Variants in LINGO2 observed in about 807,000 individuals in gnomAD.
LINGO2 encodes leucine-rich repeat and immunoglobulin-like domain-containing nogo receptor-interacting protein 2.
Under a neutral mutation model 30.6 loss-of-function variants are expected in LINGO2, and 14 were observed. That is an observed-to-expected ratio of 0.46 (90% CI 0.30 to 0.72). LINGO2 has a LOEUF of 0.72. Ranked by LOEUF, LINGO2 falls within the 30% of genes least tolerant of loss-of-function variation. The pLI is 0.07. For missense variants in LINGO2, 729 were observed against 751.7 expected (o/e 0.97, Z 0.35); for synonymous variants, 317 against 288.5 (o/e 1.10, Z -1.00).
chr9:28,063,640 G>C (rs1270309003), intron 4 of LINGO2, among the ~76,000 whole-genome samples: 1 of 152,154 alleles, frequency 6.6e-6, no homozygotes, highest in Admixed American at 6.6e-5. Context: ...ATTAAATTCA[G>C]ATCTTTCCAT....
Position 28,258,522 on chromosome 9 carries a change from T to G in LINGO2, c.-87+36686A>C, listed in dbSNP as rs192566601. 2.8e-3 allele frequency among the ~76,000 whole-genome samples: 423 copies of G among 152,060 alleles called. 4 individuals carry two copies. The highest frequency in any genetic ancestry group is 9.6e-3 in the African/African-American group (397 of 41,534). On this transcript the variant is annotated intron_variant, in intron 4 of 5. Coordinates refer to ENST00000379992, the Ensembl canonical transcript of LINGO2. ...AAAACACACACACACCCCACAAGAT[T>G]GTTAGAATTATGCTGCTCTTCCTGT...
intron 1 of LINGO2, among the ~76,000 whole-genome samples, chr9:28,668,890 T>C (rs1828906928): frequency 1.3e-5 from 2 of 152,086 alleles, no homozygotes; most frequent in Admixed American, 6.5e-5. Flanking sequence ...TTTCACAAGA[T>C]TGTCAATTTT....
the LINGO2 span, among the ~76,000 whole-genome samples, chr9:28,895,211 C>T: frequency 0.89 from 135,804 of 152,152 alleles, 60,922 homozygotes; most frequent in Non-Finnish European, 0.94. Flanking sequence ...TTGAAAAAAA[C>T]AGTGCAGGTT....
chr9:28,417,949 A>G (rs567902942), intron 2 of LINGO2, among the ~76,000 whole-genome samples: 1 of 152,234 alleles, frequency 6.6e-6, no homozygotes, highest in African/African-American at 2.4e-5. Context: ...AGAAAACTCT[A>G]ATCATTAACT....
the LINGO2 span, among the ~76,000 whole-genome samples, chr9:28,975,055 T>C: frequency 6.6e-6 from 1 of 151,990 alleles, no homozygotes; most frequent in Non-Finnish European, 1.5e-5. Flanking sequence ...GAAAGGACAA[T>C]TGTGAAGGCA....
intron 1 of LINGO2, among the ~76,000 whole-genome samples, chr9:28,636,292 A>C (rs1002395958): frequency 2.6e-5 from 4 of 152,186 alleles, no homozygotes; most frequent in Admixed American, 2.6e-4. Context: ...ATACGTGTGC[A>C]TATGTCTTTA....
At chr9:28,211,324 C>G (rs1466161870) in intron 4 of LINGO2, among the ~76,000 whole-genome samples, 1 of 149,000 alleles carries the variant, frequency 6.7e-6, no homozygotes, top group Non-Finnish European at 1.5e-5. Context: ...ACAGTATTTT[C>G]CCTGCCATTG....
chr9:28,526,045 G>C (rs570454240), intron 1 of LINGO2, among the ~76,000 whole-genome samples: 2 of 32,444 alleles, frequency 6.2e-5, no homozygotes, highest in South Asian at 2.8e-3. Flanking sequence ...GACAGAGCGA[G>C]ACTCCGTCTC....
intron 1 of LINGO2, among the ~76,000 whole-genome samples, chr9:28,581,822 A>T (rs1824272452): frequency 6.6e-6 from 1 of 151,904 alleles, no homozygotes; most frequent in African/African-American, 2.4e-5. Context: ...CTGAAAATTA[A>T]TTTTCATAAT....
chr9:28,994,513 A>G, the LINGO2 span, among the ~76,000 whole-genome samples: 1 of 151,310 alleles, frequency 6.6e-6, no homozygotes, highest in African/African-American at 2.4e-5. Flanking sequence ...AATTGGAAAA[A>G]ACTACTTTAA....
the LINGO2 span, among the ~76,000 whole-genome samples, chr9:28,700,874 G>T: frequency 0.02 from 3,008 of 152,002 alleles, 104 homozygotes; most frequent in African/African-American, 0.066. Context: ...ACTCCTTGTT[G>T]TTTTAATTTG....
chr9:29,076,577 A>C, the LINGO2 span, among the ~76,000 whole-genome samples: 1 of 146,850 alleles, frequency 6.8e-6, no homozygotes, highest in Admixed American at 6.9e-5. Context: ...ATGAAAGCAT[A>C]TTACATATAT....
the LINGO2 span, among the ~76,000 whole-genome samples, chr9:28,716,679 T>C: frequency 6.6e-6 from 1 of 152,100 alleles, no homozygotes; most frequent in African/African-American, 2.4e-5. Flanking sequence ...AATACAGTCA[T>C]TTTTCTGGTA....
intron 2 of LINGO2, among the ~76,000 whole-genome samples, chr9:28,458,581 T>C (rs1041985328): frequency 3.9e-5 from 6 of 152,140 alleles, no homozygotes; most frequent in Admixed American, 1.3e-4. Context: ...AAAAACTTGG[T>C]CATCCTCTCA....
intron 1 of LINGO2, among the ~76,000 whole-genome samples, chr9:28,588,788 T>C (rs1824708078): frequency 6.6e-6 from 1 of 152,018 alleles, no homozygotes; most frequent in South Asian, 2.1e-4. Flanking sequence ...CAGGTACAGA[T>C]ATTACTAGTC....
the LINGO2 span, among the ~76,000 whole-genome samples, chr9:28,935,876 C>G: frequency 6.6e-6 from 1 of 151,868 alleles, no homozygotes; most frequent in South Asian, 2.1e-4. Flanking sequence ...AAGCCATGTT[C>G]ATATAATATA....
chr9:28,606,773 A>G (rs1825710408), intron 1 of LINGO2, among the ~76,000 whole-genome samples: 1 of 152,066 alleles, frequency 6.6e-6, no homozygotes, highest in Non-Finnish European at 1.5e-5. Context: ...AACCACTATG[A>G]CAAGTACTGT....
chr9:28,398,477 T>G (rs1822139388), intron 2 of LINGO2, among the ~76,000 whole-genome samples: 1 of 152,176 alleles, frequency 6.6e-6, no homozygotes, highest in African/African-American at 2.4e-5. Flanking sequence ...AAAACCAGCT[T>G]AGATACAGTT....
At chr9:27,942,217 T>G in the LINGO2 span, 3 of 152,234 alleles carry the variant, frequency 2.0e-5, no homozygotes, top group Non-Finnish European at 4.4e-5. Context: ...TCCACTCACC[T>G]TAGCATTTGA....
Sources: gnomAD v4.1 joint callset for allele counts (sites outside exome capture counted in the v4.1 genomes callset) on GRCh38, gnomAD v4.1.1 for gene constraint, MANE v1.5 for transcripts, NCBI Gene and HGNC (gene_info 2026-07-23, HGNC 2026-07-21) for gene names.